Variants in FBXL13 observed in about 807,000 individuals in gnomAD.
FBXL13 encodes the protein F-box and leucine-rich repeat protein 13.
FBXL13 carries 67 observed loss-of-function variants against 83.6 expected under a neutral mutation model. The observed-to-expected ratio is 0.80, with a 90% CI of 0.66 to 0.98. The LOEUF is 0.98. FBXL13 is among the 50% of genes least tolerant of loss of function. The pLI, the probability that FBXL13 is intolerant of heterozygous loss-of-function variation, is 0.00. For synonymous variants in FBXL13, 272 were observed against 299.5 expected (o/e 0.91, Z 0.95); for missense variants, 822 against 866.5 (o/e 0.95, Z 0.64).
intron 6 of FBXL13, among the ~76,000 whole-genome samples, chr7:102,993,713 C>T (rs1829816830): frequency 6.6e-6 from 1 of 152,264 alleles, no homozygotes; most frequent in Middle Eastern, 3.4e-3. Flanking sequence ...CTACCATCTG[C>T]TAACTAAGCA....
intron 10 of FBXL13, among the ~76,000 whole-genome samples, chr7:102,925,940 CAAA>C (rs66682276): frequency 1.5e-4 from 15 of 100,960 alleles, no homozygotes; most frequent in Non-Finnish European, 2.1e-4. Context: ...GACTCTGTCT[CAAA>C]AAAAAAAAAA....
chr7:102,986,202 T>C, intron 6 of FBXL13, among the ~76,000 whole-genome samples: 1 of 152,150 alleles, frequency 6.6e-6, no homozygotes, highest in Non-Finnish European at 1.5e-5. Context: ...AAGCAGAAGT[T>C]GACAACCATC....
At chr7:103,014,746 A>G (rs1445264298) in intron 6 of FBXL13, among the ~76,000 whole-genome samples, 1 of 151,650 alleles carries the variant, frequency 6.6e-6, no homozygotes, top group East Asian at 1.9e-4. Context: ...ACACAGTGAA[A>G]CCCCGTCTCT....
intron 11 of FBXL13, among the ~76,000 whole-genome samples, chr7:102,898,346 C>A (rs2129463646): frequency 6.6e-6 from 1 of 152,226 alleles, no homozygotes; most frequent in Non-Finnish European, 1.5e-5. Flanking sequence ...CTTTTCTTTT[C>A]TTCTCTCTTT....
Position 102,883,630 on chromosome 7 carries a change from T to G in FBXL13, c.1163A>C (p.His388Pro). The G allele has an allele frequency of 6.2e-7, 1 of 1,612,822 alleles. No homozygotes were observed. The highest frequency in any genetic ancestry group is 8.5e-7 in the Non-Finnish European group (1 of 1,179,184). The change falls in exon 13 of 20, where the codon CAT becomes CCT. Residue 388 changes from histidine (H) to proline (P), a missense_variant. Physicochemically the swap from His to Pro is moderately conservative, Grantham distance 77. Coordinates refer to ENST00000313221, the Ensembl canonical transcript of FBXL13. ...AGCTCTGAAAGTACAATCGGAGATA[T>G]GCGGTGCACCAGTGAAAACCAGCGA...
intron 6 of FBXL13, among the ~76,000 whole-genome samples, chr7:102,978,840 A>G (rs141759024): frequency 1.2e-4 from 18 of 152,350 alleles, no homozygotes; most frequent in African/African-American, 3.8e-4. Context: ...TAACTATGCA[A>G]GCATCTAATA....
intron 17 of FBXL13, among the ~76,000 whole-genome samples, chr7:102,834,086 A>G (rs1406267984): frequency 0.023 from 2,100 of 91,596 alleles, 31 homozygotes; most frequent in East Asian, 0.049. Flanking sequence ...GGAAGGAAAG[A>G]AAAGAAAGAA....
intron 8 of FBXL13, among the ~76,000 whole-genome samples, chr7:102,955,285 A>C (rs988614082): frequency 1.7e-4 from 26 of 152,160 alleles, no homozygotes; most frequent in African/African-American, 6.0e-4. Flanking sequence ...CTTGCTCCTG[A>C]ATGACTACTG....
At chr7:103,057,943 C>T (rs6978106) in intron 1 of FBXL13, among the ~76,000 whole-genome samples, 1,672 of 152,216 alleles carry the variant, frequency 0.011, 35 homozygotes, top group African/African-American at 0.039. Flanking sequence ...CTGCTGGCTT[C>T]TTCTCTTGAT....
At chr7:102,926,237 AT>A (rs746036855) in intron 10 of FBXL13, 36 bp downstream of exon 11, 5 of 1,581,262 alleles carry the variant, frequency 3.2e-6, no homozygotes, top group African/African-American at 1.3e-5. Context: ...TGGGAGCATA[AT>A]TTTTTTCAGT....
chr7:102,992,276 C>A (rs1585269290), intron 6 of FBXL13, among the ~76,000 whole-genome samples: 1 of 152,208 alleles, frequency 6.6e-6, no homozygotes, highest in African/African-American at 2.4e-5. Context: ...AAGGCCTCAA[C>A]AACGCAGACC....
chr7:102,965,220 T>C (rs1328401807), intron 7 of FBXL13, among the ~76,000 whole-genome samples: 1 of 152,162 alleles, frequency 6.6e-6, no homozygotes, highest in Non-Finnish European at 1.5e-5. Context: ...TATAAATAGT[T>C]GATAATTAAG....
At chr7:102,962,142 A>G (rs1585147834) in intron 8 of FBXL13, among the ~76,000 whole-genome samples, 1 of 151,288 alleles carries the variant, frequency 6.6e-6, no homozygotes, top group Admixed American at 6.6e-5. Flanking sequence ...TTTACAAGAA[A>G]AAAACAAACA....
At chr7:103,053,636 T>C (rs1160170705) in intron 2 of FBXL13, among the ~76,000 whole-genome samples, 2 of 152,182 alleles carry the variant, frequency 1.3e-5, no homozygotes, top group African/African-American at 4.8e-5. Flanking sequence ...AGCAAAATCA[T>C]ACTGAAACCA....
chr7:102,881,992 G>A (rs1810160970), intron 14 of FBXL13, among the ~76,000 whole-genome samples: 1 of 152,190 alleles, frequency 6.6e-6, no homozygotes, highest in Non-Finnish European at 1.5e-5. Flanking sequence ...CCAGTGCAGT[G>A]GCTCATGCCT....
intron 16 of FBXL13, among the ~76,000 whole-genome samples, chr7:102,856,482 T>A (rs1318784926): frequency 6.6e-6 from 1 of 152,160 alleles, no homozygotes; most frequent in African/African-American, 2.4e-5. Flanking sequence ...TGTAGTCAAG[T>A]TAGAATTTTT....
intron 1 of FBXL13, among the ~76,000 whole-genome samples, chr7:103,067,863 A>G (rs1798546631): frequency 6.6e-6 from 1 of 152,254 alleles, no homozygotes; most frequent in Non-Finnish European, 1.5e-5. Flanking sequence ...ATAATGATGA[A>G]CCAAGGAATC....
chr7:102,934,107 T>TA (rs1819784840), intron 8 of FBXL13: 5 of 1,613,988 alleles, frequency 3.1e-6, no homozygotes, highest in Non-Finnish European at 3.4e-6. Context: ...GAGAAATACT[T>TA]AGATTGTCAA....
intron 6 of FBXL13, among the ~76,000 whole-genome samples, chr7:102,995,783 CTAAA>C (rs59828511): frequency 0.015 from 2,208 of 142,634 alleles, 46 homozygotes; most frequent in African/African-American, 0.048. Context: ...AAGACTCTGT[CTAAA>C]TAAATAAATA....
Sources: allele counts gnomAD v4.1 joint callset (sites outside exome capture counted in the v4.1 genomes callset), GRCh38; gene constraint gnomAD v4.1.1; transcripts MANE v1.5; gene names NCBI Gene and HGNC (gene_info 2026-07-23, HGNC 2026-07-21).